The following MED12L variants were observed in gnomAD, a reference collection of about 807,000 sequenced individuals.
The protein encoded by MED12L is mediator of RNA polymerase II transcription subunit 12-like protein.
A neutral mutation model predicts 281.3 loss-of-function variants in MED12L; 60 were observed. That is an observed-to-expected ratio of 0.21 (90% CI 0.17 to 0.26). MED12L has a LOEUF of 0.26. Among genes scored for constraint, MED12L ranks in the 10% least tolerant of loss-of-function variants. The probability of loss-of-function intolerance (pLI) is 1.00; values close to 1 mark genes in which losing one functional copy is unlikely to be tolerated. For synonymous variants in MED12L, 974 were observed against 987.2 expected, an observed-to-expected ratio of 0.99 and a Z score of 0.25; for missense variants, 2,146 against 2,680.9, an observed-to-expected ratio of 0.80 and a Z score of 4.41.
intron 16 of MED12L, among the ~76,000 whole-genome samples, chr3:151,277,614 A>C (rs760369990): frequency 3.3e-5 from 5 of 152,200 alleles, no homozygotes; most frequent in Non-Finnish European, 7.3e-5. Flanking sequence ...GGTCTGTGCT[A>C]ATTCTCCTGA....
intron 2 of MED12L, among the ~76,000 whole-genome samples, chr3:151,101,278 G>T (rs1025523571): frequency 6.6e-6 from 1 of 152,146 alleles, no homozygotes; most frequent in Non-Finnish European, 1.5e-5. Context: ...CATTATAATA[G>T]CCACTATTTA....
At chr3:151,421,495 G>C (rs1718245219) in intron 43 of MED12L, among the ~76,000 whole-genome samples, 1 of 151,718 alleles carries the variant, frequency 6.6e-6, no homozygotes, top group African/African-American at 2.4e-5. Context: ...ACTGCAACCT[G>C]CACCTCCCGA....
At chr3:151,100,765 CACTT>C (rs1277490525) in intron 2 of MED12L, among the ~76,000 whole-genome samples, 1 of 152,108 alleles carries the variant, frequency 6.6e-6, no homozygotes, top group Non-Finnish European at 1.5e-5. Context: ...TTCTACTACT[CACTT>C]GAATCTGCTT....
At chr3:151,420,258 C>T (rs567588385) in intron 43 of MED12L, among the ~76,000 whole-genome samples, 11 of 152,198 alleles carry the variant, frequency 7.2e-5, no homozygotes, top group East Asian at 1.9e-4. Context: ...CTTGATAGTC[C>T]GGGTCAGTCA....
At chr3:151,414,606 GC>G (rs1297370810) in intron 42 of MED12L, among the ~76,000 whole-genome samples, 2 of 152,086 alleles carry the variant, frequency 1.3e-5, no homozygotes, top group Admixed American at 1.3e-4. Context: ...CAGGTGACAG[GC>G]AAAAGCCAAC....
intron 16 of MED12L, among the ~76,000 whole-genome samples, chr3:151,211,482 G>T (rs150528204): frequency 6.7e-6 from 1 of 149,636 alleles, no homozygotes. Context: ...AGCAATTTTC[G>T]TTTTTTATTT....
intron 9 of MED12L, 47 bp from the exon 10 acceptor site, chr3:151,165,373 G>C (rs755360821): frequency 6.8e-7 from 1 of 1,463,352 alleles, no homozygotes; most frequent in Non-Finnish European, 9.6e-7. Context: ...TTAGACATGC[G>C]CTGTGGCATT....
chr3:151,416,487 A>G (rs1446501607), intron 43 of MED12L, 65 bp downstream of exon 43: 5 of 1,542,074 alleles, frequency 3.2e-6, no homozygotes, highest in Non-Finnish European at 4.4e-6. Flanking sequence ...TGCATTGTTC[A>G]TGTTCATAAG....
intron 4 of MED12L, among the ~76,000 whole-genome samples, chr3:151,125,088 C>T (rs534477744): frequency 6.6e-6 from 1 of 152,202 alleles, no homozygotes; most frequent in Non-Finnish European, 1.5e-5. Flanking sequence ...CAGACAACTG[C>T]CCTGTGATTG....
At chr3:151,199,869 A>C (rs1038116523) in intron 16 of MED12L, among the ~76,000 whole-genome samples, 4 of 152,014 alleles carry the variant, frequency 2.6e-5, no homozygotes, top group South Asian at 2.1e-4. Flanking sequence ...CCATAGATTC[A>C]TGTGGCTCCT....
chr3:151,164,092 CATCAGG>C, intron 9 of MED12L, 50 bp downstream of exon 9: 2 of 1,592,374 alleles, frequency 1.3e-6, no homozygotes, highest in Non-Finnish European at 1.7e-6. Flanking sequence ...TCTTGACAGG[CATCAGG>C]GCACAGTGGG....
intron 2 of MED12L, among the ~76,000 whole-genome samples, chr3:151,115,779 C>T (rs150849082): frequency 3.3e-5 from 5 of 151,434 alleles, no homozygotes; most frequent in Non-Finnish European, 7.4e-5. Flanking sequence ...TATAATGGGC[C>T]AGGTGGGGTG....
chr3:151,333,225 A>G (rs777325326), intron 16 of MED12L, among the ~76,000 whole-genome samples: 2 of 152,134 alleles, frequency 1.3e-5, no homozygotes, highest in Admixed American at 6.6e-5. Context: ...ATGTGTCTCT[A>G]TGATAGAATA....
At chr3:151,131,711 C>T (rs575654025) in intron 5 of MED12L, among the ~76,000 whole-genome samples, 1 of 139,524 alleles carries the variant, frequency 7.2e-6, no homozygotes, top group African/African-American at 2.7e-5. Flanking sequence ...AGTGTTTCAC[C>T]AGGACCACAT....
intron 38 of MED12L, among the ~76,000 whole-genome samples, chr3:151,392,919 C>A (rs1267907175): frequency 6.6e-6 from 1 of 152,136 alleles, no homozygotes; most frequent in East Asian, 1.9e-4. Context: ...AAAAGAATTT[C>A]CCTTTTCTGT....
chr3:151,348,984 A>G (rs543642639), intron 16 of MED12L, among the ~76,000 whole-genome samples: 3 of 152,330 alleles, frequency 2.0e-5, no homozygotes, highest in South Asian at 4.1e-4. Context: ...GCTCCTTAGG[A>G]TAAGATGGAT....
chr3:151,257,842 C>T (rs1351720212), intron 16 of MED12L, among the ~76,000 whole-genome samples: 2 of 152,182 alleles, frequency 1.3e-5, no homozygotes, highest in African/African-American at 4.8e-5. Context: ...AGATGAGAGT[C>T]ACACAAATTT....
At position 151,415,412 on chromosome 3, in the gene MED12L, G is replaced by A. The variant is rs148876762; in HGVS notation, c.6298-900G>A. 7.7e-3 allele frequency among the ~76,000 whole-genome samples: 1,180 copies of A among 152,358 alleles called. 8 individuals carry two copies. Among genetic ancestry groups the A allele is most frequent in the South Asian group, 0.024 (115 of 4,830 alleles). Reference sequence around the variant, plus strand: ...TCATATTGCAGTCATTGTGATTTGGGTCCAACTTGCGTTGTTCTTGTTGGG... The same window carrying A: ...TCATATTGCAGTCATTGTGATTTGGATCCAACTTGCGTTGTTCTTGTTGGG... On this transcript the variant is annotated intron_variant, in intron 42 of 44. Transcript: ENST00000687756.
chr3:151,421,905 G>A (rs1718292433), intron 43 of MED12L, among the ~76,000 whole-genome samples: 1 of 152,162 alleles, frequency 6.6e-6, no homozygotes, highest in African/African-American at 2.4e-5. Flanking sequence ...TAAGGTAGCT[G>A]TTGAAGATAA....
Sources: allele counts gnomAD v4.1 joint callset (sites outside exome capture counted in the v4.1 genomes callset), GRCh38; gene constraint gnomAD v4.1.1; transcripts MANE v1.5; gene names NCBI Gene and HGNC (gene_info 2026-07-23, HGNC 2026-07-21).